TSHZ2: variants seen among roughly 807,000 people sequenced by gnomAD.
TSHZ2 encodes the protein teashirt zinc finger homeobox 2, also known as teashirt homolog 2.
In TSHZ2, 21 loss-of-function variants were observed where a neutral mutation model predicts 74.4. The observed-to-expected ratio is 0.28, with a 90% confidence interval of 0.20 to 0.41. The LOEUF (loss-of-function observed/expected upper bound fraction) is 0.41. Among genes scored for constraint, TSHZ2 ranks in the 10% least tolerant of loss-of-function variants. TSHZ2 has a pLI of 1.00. For missense variants in TSHZ2, 1,244 were observed against 1,293.5 expected, an observed-to-expected ratio of 0.96 and a Z score of 0.59; for synonymous variants, 540 against 515.3, an observed-to-expected ratio of 1.05 and a Z score of -0.65.
intron 2 of TSHZ2, among the ~76,000 whole-genome samples, chr20:53,338,530 C>G (rs1980048683): frequency 6.6e-6 from 1 of 152,198 alleles, no homozygotes; most frequent in Admixed American, 6.5e-5. Context: ...GACAAGGTGA[C>G]TTTGCCTTCT....
At chr20:53,063,964 AG>A (rs1253579730) in intron 1 of TSHZ2, among the ~76,000 whole-genome samples, 1 of 152,174 alleles carries the variant, frequency 6.6e-6, no homozygotes, top group Admixed American at 6.5e-5. Context: ...TAGAACTGGA[AG>A]CCTCAAGTTA....
chr20:53,482,833 G>A (rs8124330), intron 2 of TSHZ2, among the ~76,000 whole-genome samples: 11,069 of 152,138 alleles, frequency 0.073, 516 homozygotes, highest in South Asian at 0.23. Flanking sequence ...CTGAGCCCAG[G>A]AGGCAGAGGT....
intron 2 of TSHZ2, among the ~76,000 whole-genome samples, chr20:53,276,207 T>A (rs139278304): frequency 1.5e-3 from 224 of 151,760 alleles, no homozygotes; most frequent in Non-Finnish European, 2.4e-3. Flanking sequence ...AGCTCCAGGG[T>A]CTAAAGCTAG....
chr20:53,189,436 T>C lies in TSHZ2; in HGVS notation c.41-64063T>C, dbSNP rs1988677074. ...AGATCACCTGATTTTTCTGTTTGCT[T>C]GTTTTCAGAGAAAATACTCTGTAGA... On this transcript the variant is annotated intron_variant, in intron 1 of 2. Transcript: ENST00000371497. Among the ~76,000 whole-genome samples the C allele has an allele frequency of 8.5e-5, 13 of 152,348 alleles. No individual in the cohort carries two copies. In the South Asian group the frequency reaches 2.7e-3, roughly 32 times the overall value.
At chr20:53,469,555 G>A (rs796934979) in intron 2 of TSHZ2, among the ~76,000 whole-genome samples, 7 of 78,358 alleles carry the variant, frequency 8.9e-5, no homozygotes, top group East Asian at 3.9e-4. Context: ...GAAAGAAGGA[G>A]GGAAGGAAGG....
chr20:53,158,386 G>A (rs570904208), intron 1 of TSHZ2, among the ~76,000 whole-genome samples: 1 of 152,178 alleles, frequency 6.6e-6, no homozygotes, highest in Non-Finnish European at 1.5e-5. Context: ...TGGATGGACC[G>A]TGGTGGGGGT....
At position 53,393,458 on chromosome 20, in the gene TSHZ2, A is replaced by G. The variant is rs78634182; in HGVS notation, c.*9-93686A>G. ...GCTCACTTCTTTGTAAAACACATGT[A>G]GCATCTGACTTTCCAGATTGATGGG... On this transcript the variant is annotated intron_variant, in intron 2 of 2. Coordinates refer to ENST00000371497, the MANE Select transcript of TSHZ2 (RefSeq NM_173485.6). Among the ~76,000 whole-genome samples the G allele has an allele frequency of 5.4e-4, 83 of 152,364 alleles. 1 individual carries two copies. The East Asian group carries it at 0.014, about 26-fold the overall frequency.
chr20:52,978,222 G>C (rs2122867830), intron 1 of TSHZ2, among the ~76,000 whole-genome samples: 1 of 152,250 alleles, frequency 6.6e-6, no homozygotes, highest in Non-Finnish European at 1.5e-5. Context: ...AATGGGTTTT[G>C]GTCATGGGGG....
At chr20:53,158,715 G>C (rs963906210) in intron 1 of TSHZ2, among the ~76,000 whole-genome samples, 1 of 152,080 alleles carries the variant, frequency 6.6e-6, no homozygotes, top group African/African-American at 2.4e-5. Flanking sequence ...TAATGTCGTG[G>C]CCCTCAAGGA....
chr20:53,193,343 C>T (rs1262410277), intron 1 of TSHZ2, among the ~76,000 whole-genome samples: 2 of 152,178 alleles, frequency 1.3e-5, no homozygotes, highest in Non-Finnish European at 2.9e-5. Flanking sequence ...CTGCTCCAGA[C>T]ACATTGCCGT....
rs187369838 is a variant in TSHZ2, at chr20:53,245,359, A to T, written c.41-8140A>T. ...TTAACTGATCAGTTCTTGAATCAGC[A>T]ATTTATTTCTCTCTTGGTTGGTGTT... On this transcript the variant is annotated intron_variant, in intron 1 of 2. Transcript: ENST00000371497. Among the ~76,000 whole-genome samples the T allele has an allele frequency of 1.5e-3, 229 of 152,206 alleles. 1 individual carries two copies. Among genetic ancestry groups the T allele is most frequent in the Non-Finnish European group, 2.6e-3 (177 of 68,000 alleles).
intron 1 of TSHZ2, among the ~76,000 whole-genome samples, chr20:53,011,539 G>A (rs903642793): frequency 6.6e-6 from 1 of 152,114 alleles, no homozygotes; most frequent in African/African-American, 2.4e-5. Flanking sequence ...GACTTATTCA[G>A]TTTCTATCAG....
chr20:53,046,640 A>AAAAACAAAAC (rs569453476), intron 1 of TSHZ2, among the ~76,000 whole-genome samples: 5 of 152,108 alleles, frequency 3.3e-5, no homozygotes, highest in African/African-American at 4.8e-5. Flanking sequence ...TTTGATTAAA[A>AAAAACAAAAC]AAAACAAAAC....
chr20:53,108,895 T>A (rs55638680), intron 1 of TSHZ2, among the ~76,000 whole-genome samples: 10,723 of 152,252 alleles, frequency 0.07, 448 homozygotes, highest in Non-Finnish European at 0.1. Flanking sequence ...TACCATTAAT[T>A]TCTTTTTCTT....
chr20:53,102,539 A>T (rs1986247508), intron 1 of TSHZ2, among the ~76,000 whole-genome samples: 1 of 152,084 alleles, frequency 6.6e-6, no homozygotes. Context: ...TACTCTTAAT[A>T]AGACCGTAAA....
At chr20:52,991,337 AGTGTG>A (rs1395459615) in intron 1 of TSHZ2, among the ~76,000 whole-genome samples, 37 of 138,856 alleles carry the variant, frequency 2.7e-4, no homozygotes, top group Admixed American at 5.1e-4. Context: ...GGGGGGAGAG[AGTGTG>A]AAAGCTTTTC....
intron 1 of TSHZ2, among the ~76,000 whole-genome samples, chr20:53,223,772 A>AGG (rs775436296): frequency 6.6e-6 from 1 of 152,016 alleles, no homozygotes; most frequent in Non-Finnish European, 1.5e-5. Context: ...AGGGAAAGAA[A>AGG]GGGGGAGGTA....
chr20:53,169,553 C>T (rs942971154), intron 1 of TSHZ2, among the ~76,000 whole-genome samples: 1 of 152,134 alleles, frequency 6.6e-6, no homozygotes, highest in African/African-American at 2.4e-5. Flanking sequence ...ACTACATCGC[C>T]AAGGCTAGCA....
At chr20:53,399,393 C>T (rs1982570474) in intron 2 of TSHZ2, 1 of 152,174 alleles carries the variant, frequency 6.6e-6, no homozygotes, top group African/African-American at 2.4e-5. Flanking sequence ...AATGGCCTTT[C>T]TTGTCTTTGT....
Sources: gnomAD v4.1 joint callset for allele counts (sites outside exome capture counted in the v4.1 genomes callset) on GRCh38, gnomAD v4.1.1 for gene constraint, MANE v1.5 for transcripts, NCBI Gene and HGNC (gene_info 2026-07-23, HGNC 2026-07-21) for gene names.